The following CCNI variants were observed in gnomAD, a reference collection of about 807,000 sequenced individuals.
CCNI encodes cyclin-I.
A neutral mutation model predicts 34.1 loss-of-function variants in CCNI; 14 were observed. That is an observed-to-expected ratio of 0.41 (90% CI 0.27 to 0.64). The LOEUF (loss-of-function observed/expected upper bound fraction) is 0.64. CCNI is among the 30% of genes least tolerant of loss of function. The pLI is 0.31. For missense variants in CCNI, 385 were observed against 440.5 expected, an observed-to-expected ratio of 0.87 and a Z score of 1.13; for synonymous variants, 154 against 158.4, an observed-to-expected ratio of 0.97 and a Z score of 0.21.
In CCNI at chr4:77,048,161, G is replaced by C. The variant is rs570822457; in HGVS notation, c.*58C>G. The C allele has an allele frequency of 9.4e-5, 126 of 1,343,880 alleles. No individual in the cohort carries two copies. The African/African-American group carries it at 1.6e-3, about 17-fold the overall frequency. The allele number at this position is 1,343,880 out of a possible 1,614,324, so 83.2% of individuals were successfully genotyped here. A position where few individuals can be genotyped will look rare whatever the true frequency, so the allele number is the denominator to read the frequency against. On this transcript the variant is annotated 3_prime_UTR_variant, in exon 7 of 7. Coordinates refer to ENST00000237654, the MANE Select transcript of CCNI (RefSeq NM_006835.3). ...TCTACAGCCTTTCCTGATTTTGCAT[G>C]TTCTCATTCCCAAAGTAGTCTACCT...
At chr4:77,056,356 G>A in intron 3 of CCNI, 33 bp from the exon 4 acceptor site, 1 of 1,507,646 alleles carries the variant, frequency 6.6e-7, no homozygotes, top group African/African-American at 1.4e-5. Flanking sequence ...AGCAACTTTA[G>A]TGATTTTTCA....
intron 2 of CCNI, among the ~76,000 whole-genome samples, chr4:77,060,625 A>ATTT (rs558884443): frequency 2.2e-5 from 3 of 133,380 alleles, no homozygotes; most frequent in African/African-American, 5.5e-5. Flanking sequence ...GGCCCGGCTA[A>ATTT]TTTTTTTTTT....
intron 1 of CCNI, among the ~76,000 whole-genome samples, chr4:77,074,028 C>A (rs1260558256): frequency 6.6e-6 from 1 of 152,060 alleles, no homozygotes; most frequent in African/African-American, 2.4e-5. Flanking sequence ...TCTTACTACA[C>A]CCCCATTTCA....
intron 1 of CCNI, among the ~76,000 whole-genome samples, chr4:77,069,915 A>G (rs1729333867): frequency 6.6e-6 from 1 of 151,802 alleles, no homozygotes; most frequent in African/African-American, 2.4e-5. Context: ...ATGCTCACCA[A>G]TTCATCTTTT....
chr4:77,070,604 TTTGTTGCC>T (rs1041245482), intron 1 of CCNI, among the ~76,000 whole-genome samples: 1 of 152,102 alleles, frequency 6.6e-6, no homozygotes, highest in African/African-American at 2.4e-5. Context: ...AGATTCCAAT[TTTGTTGCC>T]TTGGTGCCTT....
At chr4:77,063,440 T>TGTAA (rs1327126092) in intron 2 of CCNI, among the ~76,000 whole-genome samples, 2 of 151,184 alleles carry the variant, frequency 1.3e-5, no homozygotes, top group African/African-American at 4.9e-5. Flanking sequence ...GGCTCATGCC[T>TGTAA]GTAATCCCAG....
intron 2 of CCNI, among the ~76,000 whole-genome samples, chr4:77,063,344 T>G (rs1399071716): frequency 2.6e-5 from 2 of 77,266 alleles, no homozygotes; most frequent in Non-Finnish European, 4.9e-5. Flanking sequence ...GAAAGGGAGG[T>G]AAAAAAAAAA....
chr4:77,055,632 A>G (rs776847097), intron 5 of CCNI, among the ~76,000 whole-genome samples: 1 of 151,790 alleles, frequency 6.6e-6, no homozygotes, highest in African/African-American at 2.4e-5. Flanking sequence ...ATGCCCGGCT[A>G]ATTTTTGTAT....
rs1727553495 is a variant in CCNI at position 77,048,082 on chromosome 4, TTTTA to T, written c.*133_*136del. The T allele has an allele frequency of 8.8e-6, 5 of 566,464 alleles. No individual in the cohort carries two copies. In the East Asian group the frequency reaches 1.1e-4, roughly 13 times the overall value. 35.1% of individuals were successfully genotyped at this position (566,464 alleles called of 1,614,324 possible). On this transcript the variant is annotated 3_prime_UTR_variant, in exon 7 of 7. Coordinates refer to ENST00000237654, the MANE Select transcript of CCNI (RefSeq NM_006835.3). ...TAATTAGCCACACAAATAATGAGAG[TTTTA>T]TTTTTTTTTTCTGGCTCACTCCAAA...
At chr4:77,064,670 ATTTT>A (rs1162778983) in intron 2 of CCNI, 61 of 147,330 alleles carry the variant, frequency 4.1e-4, no homozygotes, top group African/African-American at 1.3e-3. Flanking sequence ...TCGAATTATA[ATTTT>A]TTTTCTTTTT....
intron 6 of CCNI, among the ~76,000 whole-genome samples, chr4:77,049,121 T>A (rs1167762952): frequency 2.0e-5 from 3 of 151,936 alleles, no homozygotes; most frequent in Non-Finnish European, 4.4e-5. Context: ...AAAAAAAAAT[T>A]TTTTTTAATC....
chr4:77,069,912 C>T (rs1373054618), intron 1 of CCNI, among the ~76,000 whole-genome samples: 1 of 152,004 alleles, frequency 6.6e-6, no homozygotes, highest in African/African-American at 2.4e-5. Flanking sequence ...ATCATGCTCA[C>T]CAATTCATCT....
At chr4:77,064,897 C>G (rs28624595) in intron 2 of CCNI, 35,073 of 152,054 alleles carry the variant, frequency 0.23, 5,015 homozygotes, top group East Asian at 0.38. Context: ...CATGGCTGGT[C>G]TCGAACGCCT....
rs1727573783 is a variant in CCNI, at chr4:77,048,282, A to C, written c.1071T>G (p.Asp357Glu). 2.5e-6 allele frequency: 4 copies of C among 1,614,128 alleles called. No homozygotes were observed. In the South Asian group the frequency reaches 4.4e-5, roughly 18 times the overall value. Residue 357 changes from aspartate to glutamate, a missense_variant, in exon 7 of 7, where the codon GAT becomes GAG. This residue lies in a region of CCNI where 250 missense variants were observed against 248.7 expected (regional missense o/e 1.01). Coordinates refer to ENST00000237654, the MANE Select transcript of CCNI (RefSeq NM_006835.3). Reference protein sequence around the residue: ...SENVGSVCGTDLSRQEGHASP... With the variant: ...SENVGSVCGTELSRQEGHASP... The stretch of plus-strand genomic sequence containing the variant: ...AAGCATGTCCCTCTTGTCTTGATAA[A>C]TCAGTGCCACACACAGAACCCACAT...
chr4:77,069,776 C>T (rs115778954), intron 1 of CCNI, among the ~76,000 whole-genome samples: 1 of 152,126 alleles, frequency 6.6e-6, no homozygotes, highest in African/African-American at 2.4e-5. Flanking sequence ...TCTACCCCCA[C>T]CTGTACCAAC....
intron 1 of CCNI, chr4:77,075,060 G>T (rs1729798441): frequency 6.8e-6 from 1 of 147,874 alleles, no homozygotes; most frequent in Non-Finnish European, 1.5e-5. Flanking sequence ...GCCGTGCAAA[G>T]TTAGTAATCC....
At chr4:77,058,449 A>C in intron 3 of CCNI, 58 bp downstream of exon 3, 1 of 1,372,256 alleles carries the variant, frequency 7.3e-7, no homozygotes, top group Non-Finnish European at 1.0e-6. Flanking sequence ...AATAGCCTCT[A>C]GTTTAGCATA....
intron 1 of CCNI, 79 bp downstream of exon 1, chr4:77,075,393 G>C: frequency 2.0e-6 from 1 of 495,596 alleles, no homozygotes; most frequent in Non-Finnish European, 2.6e-6. Flanking sequence ...GGGCGGCGCG[G>C]GGGGAGCAGC....
intron 1 of CCNI, among the ~76,000 whole-genome samples, chr4:77,070,640 T>C (rs1346651647): frequency 6.6e-6 from 1 of 152,156 alleles, no homozygotes; most frequent in Non-Finnish European, 1.5e-5. Context: ...TCTTCAACAA[T>C]TTGGTAGGCA....
Sources: allele counts gnomAD v4.1 joint callset (sites outside exome capture counted in the v4.1 genomes callset), GRCh38; gene constraint gnomAD v4.1.1; regional missense constraint gnomAD v4.1.1; transcripts MANE v1.5; gene names NCBI Gene and HGNC (gene_info 2026-07-23, HGNC 2026-07-21).